The following ELL variants were observed in gnomAD, a reference collection of about 807,000 sequenced individuals.
The protein encoded by ELL is RNA polymerase II elongation factor ELL.
Under a neutral mutation model 64.0 loss-of-function variants are expected in ELL, and 18 were observed. That is an observed-to-expected ratio of 0.28 (90% CI 0.19 to 0.42). ELL has a LOEUF of 0.42. ELL is among the 10% of genes least tolerant of loss of function. The probability of loss-of-function intolerance (pLI) is 1.00; values close to 1 mark genes in which losing one functional copy is unlikely to be tolerated. For missense variants in ELL, 797 were observed against 870.4 expected, an observed-to-expected ratio of 0.92 and a Z score of 1.06; for synonymous variants, 399 against 376.2, an observed-to-expected ratio of 1.06 and a Z score of -0.70.
chr19:18,520,978 C>T (rs1600517327), intron 1 of ELL, among the ~76,000 whole-genome samples: 1 of 152,008 alleles, frequency 6.6e-6, no homozygotes, highest in African/African-American at 2.4e-5. Context: ...ACCACGGCCC[C>T]AGATGCGCCC....
chr19:18,497,784 C>A (rs894226932), intron 1 of ELL, among the ~76,000 whole-genome samples: 2 of 144,130 alleles, frequency 1.4e-5, no homozygotes, highest in Non-Finnish European at 3.0e-5. Context: ...GCTACTGACT[C>A]CAGCCTAGGC....
intron 4 of ELL, among the ~76,000 whole-genome samples, chr19:18,464,805 A>G (rs567800312): frequency 2.0e-5 from 3 of 152,274 alleles, no homozygotes; most frequent in African/African-American, 4.8e-5. Flanking sequence ...CTCTGTAAAC[A>G]AACAGCACTG....
At chr19:18,515,848 C>T (rs1306557023) in intron 1 of ELL, among the ~76,000 whole-genome samples, 5 of 152,194 alleles carry the variant, frequency 3.3e-5, no homozygotes, top group Non-Finnish European at 5.9e-5. Flanking sequence ...TGAGGACAGC[C>T]GAGCACCCTT....
At chr19:18,446,578 G>A (rs567047637) in intron 9 of ELL, 98 bp from the exon 10 acceptor site, 2 of 1,521,036 alleles carry the variant, frequency 1.3e-6, no homozygotes, top group East Asian at 2.3e-5. Context: ...TGGCCTCTCG[G>A]GTGATTCCCT....
At position 18,443,228 on chromosome 19, in the gene ELL, A is replaced by T. The variant is rs951510069; in HGVS notation, c.*1524T>A. 4.3e-6 allele frequency: 1 copy of T among 231,000 alleles called. No homozygotes were observed. Among genetic ancestry groups the T allele is most frequent in the Non-Finnish European group, 8.6e-6 (1 of 116,524 alleles). The allele number at this position is 231,000 out of a possible 1,614,324, so 14.3% of individuals were successfully genotyped here. On this transcript the variant is annotated 3_prime_UTR_variant, in exon 12 of 12. Coordinates refer to ENST00000262809, the MANE Select transcript of ELL (RefSeq NM_006532.4). ...GCCCGGCCCAAAGAGAAAAACAACA[A>T]CAGCTATTGAAACATGAAGGATCAG...
At chr19:18,510,843 C>T (rs1045607114) in intron 1 of ELL, among the ~76,000 whole-genome samples, 1 of 152,102 alleles carries the variant, frequency 6.6e-6, no homozygotes, top group Non-Finnish European at 1.5e-5. Context: ...CAAATGAGGC[C>T]GGGAGCAGTG....
At position 18,452,726 on chromosome 19, in the gene ELL, G is replaced by A. The variant is rs148773104; in HGVS notation, c.870-1078C>T. Among the ~76,000 whole-genome samples, 1,164 of 152,258 alleles carry A rather than the reference G, an allele frequency of 7.6e-3. 16 individuals carry two copies. Among genetic ancestry groups the A allele is most frequent in the African/African-American group, 0.027 (1,110 of 41,524 alleles). On this transcript the variant is annotated intron_variant, in intron 6 of 11. Transcript: ENST00000262809. ...GGGCTGTCAGGCAGCAAAGAGGCTC[G>A]GGCCACTCCTCCAGGCAGTTGGGAA...
rs149466033 is a variant in ELL at position 18,485,818 on chromosome 19, C to T, written c.136-12936G>A. ...TGGTTAACACGGTGAAACCCCATCTCTACTAAAAATACAAAAAATTAGCCG... is the reference window on the plus strand; with the variant it reads ...TGGTTAACACGGTGAAACCCCATCTTTACTAAAAATACAAAAAATTAGCCG... On this transcript the variant is annotated intron_variant, in intron 1 of 11. Transcript: ENST00000262809. Among the ~76,000 whole-genome samples, 1,331 of 152,154 alleles carry T rather than the reference C, an allele frequency of 8.7e-3. 26 individuals carry two copies. Among genetic ancestry groups the T allele is most frequent in the African/African-American group, 0.03 (1,257 of 41,496 alleles).
intron 4 of ELL, among the ~76,000 whole-genome samples, chr19:18,463,584 T>TG (rs1408340908): frequency 1.3e-5 from 2 of 151,984 alleles, no homozygotes; most frequent in Non-Finnish European, 2.9e-5. Context: ...CTCCCTGCCT[T>TG]GGACTCTCAA....
intron 1 of ELL, among the ~76,000 whole-genome samples, chr19:18,506,633 G>A (rs1265352951): frequency 6.6e-6 from 1 of 152,164 alleles, no homozygotes; most frequent in Non-Finnish European, 1.5e-5. Flanking sequence ...GCTGAGGTAG[G>A]AGGATCACTT....
At chr19:18,461,510 C>A in intron 5 of ELL, 68 bp downstream of exon 5, 1 of 1,539,128 alleles carries the variant, frequency 6.5e-7, no homozygotes, top group Non-Finnish European at 8.7e-7. Flanking sequence ...ATGCTCTGGC[C>A]CATCCCACCC....
intron 1 of ELL, among the ~76,000 whole-genome samples, chr19:18,487,047 T>C (rs1228043078): frequency 6.6e-6 from 1 of 152,152 alleles, no homozygotes; most frequent in East Asian, 1.9e-4. Flanking sequence ...CACCACGCAG[T>C]GGGTAAATCC....
At chr19:18,444,917 C>T (rs1012008348) in intron 11 of ELL, 49 bp from the exon 12 acceptor site, 1 of 1,563,908 alleles carries the variant, frequency 6.4e-7, no homozygotes, top group South Asian at 1.2e-5. Flanking sequence ...CTGGGTGCTG[C>T]TCCCCGCTGT....
At chr19:18,492,759 C>T (rs948569633) in intron 1 of ELL, among the ~76,000 whole-genome samples, 5 of 152,156 alleles carry the variant, frequency 3.3e-5, no homozygotes, top group Non-Finnish European at 7.3e-5. Flanking sequence ...AGTCAGAAAG[C>T]AGGGCTGGAG....
Position 18,465,582 on chromosome 19 carries a change from GACAAGGCCAGGAGC to G in ELL, c.306-21_306-8del. 1 of 1,580,886 alleles carries G rather than the reference GACAAGGCCAGGAGC, an allele frequency of 6.3e-7. No homozygotes were observed. Among genetic ancestry groups the G allele is most frequent in the Non-Finnish European group, 8.7e-7 (1 of 1,155,886 alleles). Reference sequence around the variant, plus strand: ...CAGGTGAACTTCCCCATGACTGCAAGACAAGGCCAGGAGCTGGGGTCAGCAGCTGGGACAATGCA... The same window carrying G: ...CAGGTGAACTTCCCCATGACTGCAAGTGGGGTCAGCAGCTGGGACAATGCA... On this transcript the variant is annotated splice_region_variant and splice_polypyrimidine_tract_variant and intron_variant, in intron 3 of 11. Coordinates refer to ENST00000262809, the MANE Select transcript of ELL (RefSeq NM_006532.4).
intron 1 of ELL, among the ~76,000 whole-genome samples, chr19:18,494,760 C>G (rs2144958098): frequency 6.6e-6 from 1 of 152,300 alleles, no homozygotes; most frequent in South Asian, 2.1e-4. Context: ...GATGACAGAC[C>G]CCACTGTCCA....
At chr19:18,492,939 CCACTCCTCT>C (rs752227117) in intron 1 of ELL, among the ~76,000 whole-genome samples, 16 of 152,074 alleles carry the variant, frequency 1.1e-4, no homozygotes, top group Admixed American at 2.6e-4. Context: ...GTTCATTCCC[CCACTCCTCT>C]CATGATTCCT....
chr19:18,501,236 T>C lies in ELL; in HGVS notation c.135+20685A>G, dbSNP rs1042284440. Among the ~76,000 whole-genome samples the C allele has an allele frequency of 2.0e-5, 3 of 151,742 alleles. No homozygotes were observed. The highest frequency in any genetic ancestry group is 4.4e-5 in the Non-Finnish European group (3 of 67,932). On this transcript the variant is annotated intron_variant, in intron 1 of 11. Coordinates refer to ENST00000262809, the MANE Select transcript of ELL (RefSeq NM_006532.4). The surrounding 1 kb of genome is among the most constrained non-coding windows in gnomAD (Gnocchi z 4.5). ...CAAACCACCCAATGGGAAACAGTGGTGAGCACAGCCATGGACCACAGAGAG... is the reference window on the plus strand; with the variant it reads ...CAAACCACCCAATGGGAAACAGTGGCGAGCACAGCCATGGACCACAGAGAG...
In ELL at chr19:18,446,252, A is replaced by T; in HGVS notation, c.1704+57T>A. 4 of 1,474,580 alleles carry T rather than the reference A, an allele frequency of 2.7e-6. No individual in the cohort carries two copies. In the South Asian group the frequency reaches 5.3e-5, roughly 20 times the overall value. The allele number at this position is 1,474,580 out of a possible 1,614,324, so 91.3% of individuals were successfully genotyped here. A position where few individuals can be genotyped will look rare whatever the true frequency, so the allele number is the denominator to read the frequency against. ...CTCGTGGTGGCGATGGTGCGCGCCC[A>T]AGTGGGCCCTGGCTCCCGCCAGAGC... is the stretch of plus-strand genomic sequence containing the variant. On this transcript the variant is annotated intron_variant, in intron 10 of 11. Transcript: ENST00000262809.
Sources: allele counts gnomAD v4.1 joint callset (sites outside exome capture counted in the v4.1 genomes callset), GRCh38; gene constraint gnomAD v4.1.1; non-coding constraint Gnocchi (gnomAD v3.1); transcripts MANE v1.5; gene names NCBI Gene and HGNC (gene_info 2026-07-23, HGNC 2026-07-21).